The following UNC13C variants were observed in gnomAD, a reference collection of about 807,000 sequenced individuals.
UNC13C encodes protein unc-13 homolog C.
A neutral mutation model predicts 245.4 loss-of-function variants in UNC13C; 174 were observed. The ratio of observed to expected loss-of-function variants is 0.71; its 90% CI spans 0.63 to 0.80. The LOEUF is 0.80. UNC13C is among the 30% of genes least tolerant of loss of function. UNC13C has a pLI of 0.00. For missense variants in UNC13C, 2,829 were observed against 2,602.9 expected, an observed-to-expected ratio of 1.09 and a Z score of -1.89; for synonymous variants, 992 against 895.1, an observed-to-expected ratio of 1.11 and a Z score of -1.93.
At chr15:53,882,042 G>T in the UNC13C span, among the ~76,000 whole-genome samples, 3 of 152,154 alleles carry the variant, frequency 2.0e-5, no homozygotes, top group South Asian at 6.2e-4. Context: ...TATCCAGAAC[G>T]TGCATGATTG....
intron 4 of UNC13C, among the ~76,000 whole-genome samples, chr15:54,209,908 A>T (rs1380106069): frequency 1.3e-5 from 2 of 152,084 alleles, no homozygotes; most frequent in African/African-American, 2.4e-5. Flanking sequence ...AATACAGGCA[A>T]AAAGTATCTG....
the UNC13C span, among the ~76,000 whole-genome samples, chr15:53,883,658 G>T: frequency 2.6e-5 from 4 of 152,166 alleles, no homozygotes; most frequent in African/African-American, 9.7e-5. Flanking sequence ...ATTAGATTTT[G>T]TGACAAGACT....
chr15:54,528,545 T>C (rs1251683244), intron 25 of UNC13C, among the ~76,000 whole-genome samples: 2 of 152,072 alleles, frequency 1.3e-5, no homozygotes, highest in African/African-American at 4.8e-5. Context: ...TCTAGTCTAT[T>C]CTTTTTCTAT....
intron 4 of UNC13C, among the ~76,000 whole-genome samples, chr15:54,221,976 A>G (rs2140785719): frequency 6.6e-6 from 1 of 152,214 alleles, no homozygotes; most frequent in Non-Finnish European, 1.5e-5. Flanking sequence ...TTTTGTGAGT[A>G]CATAGTAGGT....
chr15:54,599,863 T>G (rs901659438), intron 30 of UNC13C, among the ~76,000 whole-genome samples: 1 of 152,154 alleles, frequency 6.6e-6, no homozygotes. Flanking sequence ...GTCTCCTCAC[T>G]CTTCTTTCTC....
chr15:54,125,989 A>G (rs1181023311), intron 2 of UNC13C, among the ~76,000 whole-genome samples: 3 of 152,234 alleles, frequency 2.0e-5, no homozygotes, highest in Non-Finnish European at 4.4e-5. Context: ...AGTAACCTCT[A>G]GAAAAACAAT....
chr15:54,220,570 C>T (rs1424252744), intron 4 of UNC13C, among the ~76,000 whole-genome samples: 1 of 151,300 alleles, frequency 6.6e-6, no homozygotes, highest in East Asian at 1.9e-4. Context: ...ACATTGTGTA[C>T]ATGTACCCTA....
chr15:54,104,825 G>T (rs192473028), intron 2 of UNC13C, among the ~76,000 whole-genome samples: 3 of 151,722 alleles, frequency 2.0e-5, no homozygotes, highest in Admixed American at 2.0e-4. Flanking sequence ...CTTATCTCTT[G>T]GTTCATATTG....
intron 15 of UNC13C, among the ~76,000 whole-genome samples, chr15:54,332,935 G>A (rs2038477997): frequency 2.0e-5 from 3 of 151,742 alleles, no homozygotes; most frequent in Admixed American, 2.0e-4. Context: ...TTTCATGTTG[G>A]TTATTTCATG....
intron 19 of UNC13C, among the ~76,000 whole-genome samples, chr15:54,443,743 A>G (rs901468397): frequency 3.3e-5 from 5 of 151,854 alleles, no homozygotes. Context: ...TTGATTTCTA[A>G]TTTTATTTTA....
At position 54,623,844 on chromosome 15, in the gene UNC13C, C is replaced by A. The variant is rs1440625857; in HGVS notation, c.6249C>A (p.Pro2083=). ...GGCAGACCACAGCAATGTTCCGCCC[C>A]TTTGTGGAAGTTTGTATACTGGGAC... ...LNWQTTAMFR[P]FVEVCILGPN... is the part of the protein sequence containing the mutation. Residue 2083 remains proline, a synonymous_variant, in exon 32 of 33, where the codon CCC becomes CCA. Transcript: ENST00000260323. 2.4e-5 allele frequency: 38 copies of A among 1,612,968 alleles called. 1 individual carries two copies. In the Admixed American group the frequency reaches 6.4e-4, roughly 27 times the overall value.
intron 4 of UNC13C, among the ~76,000 whole-genome samples, chr15:54,159,094 G>A (rs887368458): frequency 2.0e-5 from 3 of 152,146 alleles, no homozygotes; most frequent in Admixed American, 1.3e-4. Context: ...ACAGATCTTG[G>A]CACTGCTTAG....
intron 2 of UNC13C, among the ~76,000 whole-genome samples, chr15:54,062,180 G>A (rs1288108536): frequency 5.9e-5 from 9 of 151,950 alleles, no homozygotes; most frequent in South Asian, 4.2e-4. Flanking sequence ...TTAGCCAGGC[G>A]TGGTGGCAGG....
At chr15:53,976,097 A>G (rs1220813342), upstream of UNC13C, among the ~76,000 whole-genome samples, 1 of 152,160 alleles carries the variant, frequency 6.6e-6, no homozygotes, top group Non-Finnish European at 1.5e-5. Context: ...AAACATTTCT[A>G]CTAGGGATTT....
At chr15:54,593,074 T>G (rs1898889895) in intron 30 of UNC13C, among the ~76,000 whole-genome samples, 1 of 152,204 alleles carries the variant, frequency 6.6e-6, no homozygotes, top group Non-Finnish European at 1.5e-5. Flanking sequence ...GATGCTTGGT[T>G]TCACTGGATA....
intron 10 of UNC13C, among the ~76,000 whole-genome samples, chr15:54,282,963 T>G (rs2037038776): frequency 6.6e-6 from 1 of 151,880 alleles, no homozygotes; most frequent in Non-Finnish European, 1.5e-5. Flanking sequence ...GACTGGTTTG[T>G]GAGTATGCAA....
chr15:54,119,641 A>AT (rs1403457699), intron 2 of UNC13C, among the ~76,000 whole-genome samples: 1 of 152,148 alleles, frequency 6.6e-6, no homozygotes, highest in Non-Finnish European at 1.5e-5. Flanking sequence ...ACTAGAAATG[A>AT]TTAAGCTTAG....
At chr15:54,054,467 T>G (rs1233068623) in intron 2 of UNC13C, among the ~76,000 whole-genome samples, 1 of 152,218 alleles carries the variant, frequency 6.6e-6, no homozygotes, top group East Asian at 1.9e-4. Context: ...ATTTTGTGAA[T>G]AGAATTAAAT....
At chr15:54,093,086 T>C (rs1180197576) in intron 2 of UNC13C, among the ~76,000 whole-genome samples, 2 of 152,160 alleles carry the variant, frequency 1.3e-5, no homozygotes, top group African/African-American at 4.8e-5. Flanking sequence ...GGTCCTATCC[T>C]TATTTGTCAT....
Sources: gnomAD v4.1 joint callset for allele counts (sites outside exome capture counted in the v4.1 genomes callset) on GRCh38, gnomAD v4.1.1 for gene constraint, MANE v1.5 for transcripts, NCBI Gene and HGNC (gene_info 2026-07-23, HGNC 2026-07-21) for gene names.